PCID2: variants seen among roughly 807,000 people sequenced by gnomAD.
PCID2 encodes PCI domain-containing protein 2.
PCID2 carries 41 observed loss-of-function variants against 61.3 expected under a neutral mutation model. The ratio of observed to expected loss-of-function variants is 0.67; its 90% CI spans 0.52 to 0.87. The LOEUF is 0.87. Ranked by LOEUF, PCID2 falls within the 40% of genes least tolerant of loss-of-function variation. PCID2 has a pLI of 0.00. For synonymous variants in PCID2, 187 were observed against 177.8 expected (o/e 1.05, Z -0.41); for missense variants, 392 against 493.4 (o/e 0.79, Z 1.95).
chr13:113,205,818 C>T (rs1160617127), intron 1 of PCID2, among the ~76,000 whole-genome samples: 1 of 152,148 alleles, frequency 6.6e-6, no homozygotes. Flanking sequence ...GGAGGGAGGA[C>T]CAGGGAGTGA....
chr13:113,183,881 G>A (rs2037866049), intron 9 of PCID2: 1 of 985,336 alleles, frequency 1.0e-6, no homozygotes, highest in Admixed American at 6.1e-5. Context: ...CACTGCACGA[G>A]GCTGTTTAAA....
intron 1 of PCID2, chr13:113,207,940 C>T (rs2040024746): frequency 6.7e-6 from 8 of 1,196,876 alleles, no homozygotes; most frequent in Non-Finnish European, 8.7e-6. Flanking sequence ...AGTGCTGGTT[C>T]TGAAGACAGG....
intron 7 of PCID2, chr13:113,190,623 A>G (rs780634899): frequency 3.0e-6 from 1 of 338,538 alleles, no homozygotes; most frequent in Non-Finnish European, 5.3e-6. Context: ...CTAGACGGAA[A>G]CTGGTTCCTG....
downstream of PCID2, among the ~76,000 whole-genome samples, chr13:113,173,293 G>A (rs2037145378): frequency 1.3e-5 from 2 of 152,344 alleles, no homozygotes; most frequent in South Asian, 4.1e-4. Context: ...CTGCAGTCCA[G>A]CCCCCAGTGA....
intron 7 of PCID2, chr13:113,187,719 TG>T (rs1452723782): frequency 3.9e-5 from 6 of 152,252 alleles, no homozygotes; most frequent in African/African-American, 1.2e-4. Flanking sequence ...ACTGTTGAAT[TG>T]TAATAATTCT....
intron 9 of PCID2, 55 bp from the exon 10 acceptor site, chr13:113,181,285 C>G (rs1043007207): frequency 1.9e-6 from 2 of 1,052,190 alleles, no homozygotes; most frequent in South Asian, 2.5e-5. Flanking sequence ...CTTCAGGCCC[C>G]TTCCTGCTCC....
chr13:113,180,380 G>A, intron 10 of PCID2, 149 bp from the exon 11 acceptor site: 1 of 644,354 alleles, frequency 1.6e-6, no homozygotes, highest in Non-Finnish European at 2.7e-6. Context: ...AGTACACTAG[G>A]AAAACAACAC....
Position 113,195,094 on chromosome 13 carries a change from C to A in PCID2, c.340G>T (p.Asp114Tyr). ...ALPVMYAVAL[D>Y]LRVFANNADQ... is the part of the protein sequence containing the mutation. ...ACATTATTGGCAAACACTCGAAGGT[C>A]AAGCGCTACTGCATACATGACAGGC... Residue 114 changes from aspartate to tyrosine, a missense_variant, in exon 6 of 14, where the codon GAC (aspartate) becomes TAC (tyrosine). Around this residue, in one of 3 missense-constraint regions of PCID2, gnomAD observed 155 missense variants for 164.9 expected, o/e 0.94. Coordinates refer to ENST00000337344, the MANE Select transcript of PCID2 (RefSeq NM_001127202.4). The A allele has an allele frequency of 6.2e-7, 1 of 1,611,450 alleles. No homozygotes were observed. Among genetic ancestry groups the A allele is most frequent in the South Asian group, 1.1e-5 (1 of 91,026 alleles).
At position 113,197,166 on chromosome 13, in the gene PCID2, G is replaced by A. The variant is rs756532515; in HGVS notation, c.266+12C>T. On this transcript the variant is annotated intron_variant, in intron 4 of 13. Transcript: ENST00000337344. ...TCTATGCGGGACAGCTGCCATGAAC[G>A]ACAAAGGATATTGGACTATCACGGT... 20 of 1,614,020 alleles carry A rather than the reference G, an allele frequency of 1.2e-5. No homozygotes were observed. The highest frequency in any genetic ancestry group is 6.7e-5 in the East Asian group (3 of 44,900).
the PCID2 span, among the ~76,000 whole-genome samples, chr13:113,168,391 GTTCATC>G: frequency 6.6e-6 from 1 of 152,248 alleles, no homozygotes; most frequent in South Asian, 2.1e-4. Flanking sequence ...AGGAGTCTTT[GTTCATC>G]TTCATCTATG....
chr13:113,175,237 A>C (rs2037168643), downstream of PCID2, among the ~76,000 whole-genome samples: 1 of 152,186 alleles, frequency 6.6e-6, no homozygotes, highest in African/African-American at 2.4e-5. Flanking sequence ...CTGAACACCA[A>C]GAGGTAAACG....
In PCID2 at chr13:113,190,897, A is replaced by G; in HGVS notation, c.442T>C (p.Cys148Arg). The G allele has an allele frequency of 1.2e-6, 2 of 1,613,226 alleles. No homozygotes were observed. Among genetic ancestry groups the G allele is most frequent in the Non-Finnish European group, 8.5e-7 (1 of 1,179,448 alleles). The change falls in exon 7 of 14, where the codon TGT (cysteine) becomes CGT (arginine). Residue 148 changes from cysteine (C) to arginine (R), a missense_variant. By Grantham distance (180) the Cys-to-Arg change is radical. Around this residue, in one of 3 missense-constraint regions of PCID2, gnomAD observed 11 missense variants for 32.0 expected, o/e 0.34. Transcript: ENST00000337344. The part of the protein sequence containing the change: ...LEKAAELLMS[C>R]FRVCASDTRA... The stretch of plus-strand genomic sequence containing the variant: ...GTGTCGCTGGCACAGACCCGGAAAC[A>G]GCTCATCAGTAACTCTGCTGCTTTT...
At chr13:113,165,289 C>G in the PCID2 span, 1 of 710,020 alleles carries the variant, frequency 1.4e-6, no homozygotes, top group Non-Finnish European at 2.5e-6. Flanking sequence ...GTTCTAATGC[C>G]GAGTTCATAA....
intron 1 of PCID2, among the ~76,000 whole-genome samples, chr13:113,205,291 A>G (rs1257198880): frequency 6.6e-6 from 1 of 152,222 alleles, no homozygotes; most frequent in Non-Finnish European, 1.5e-5. Flanking sequence ...AATCTTTGGG[A>G]CAAGAAAGAT....
At chr13:113,182,988 AAT>A (rs1408380588) in intron 9 of PCID2, among the ~76,000 whole-genome samples, 18 of 152,224 alleles carry the variant, frequency 1.2e-4, no homozygotes, top group Non-Finnish European at 1.5e-5. Context: ...TTACATAAAT[AAT>A]ATAAAATCAC....
the PCID2 span, among the ~76,000 whole-genome samples, chr13:113,167,504 A>G: frequency 3.3e-5 from 5 of 152,304 alleles, 1 homozygote; most frequent in African/African-American, 1.2e-4. Context: ...TCTTTCAAAC[A>G]ACTTCTCGTT....
the PCID2 span, among the ~76,000 whole-genome samples, chr13:113,167,667 A>G: frequency 2.6e-5 from 4 of 152,172 alleles, no homozygotes; most frequent in Admixed American, 6.5e-5. Context: ...TATAAAGTGC[A>G]TGTTTAAAAA....
At chr13:113,173,168 G>C (rs1004756195), downstream of PCID2, among the ~76,000 whole-genome samples, 7 of 152,162 alleles carry the variant, frequency 4.6e-5, no homozygotes, top group African/African-American at 1.7e-4. Context: ...ATGAGTTTCT[G>C]TTATCACCCA....
intron 1 of PCID2, among the ~76,000 whole-genome samples, chr13:113,204,310 G>A (rs1426052598): frequency 1.3e-5 from 2 of 152,240 alleles, no homozygotes; most frequent in East Asian, 1.9e-4. Flanking sequence ...GAACCTATGA[G>A]TGACTGAAAG....
Sources: allele counts gnomAD v4.1 joint callset (sites outside exome capture counted in the v4.1 genomes callset), GRCh38; gene constraint gnomAD v4.1.1; regional missense constraint gnomAD v4.1.1; transcripts MANE v1.5; gene names NCBI Gene and HGNC (gene_info 2026-07-23, HGNC 2026-07-21).